RFX7: variants seen among roughly 807,000 people sequenced by gnomAD.
RFX7 encodes regulatory factor X7.
A neutral mutation model predicts 111.8 loss-of-function variants in RFX7; 26 were observed. The ratio of observed to expected loss-of-function variants is 0.23; its 90% confidence interval spans 0.17 to 0.32. RFX7 has a LOEUF of 0.32. Among genes scored for constraint, RFX7 ranks in the 10% least tolerant of loss-of-function variants. The pLI, the probability that RFX7 is intolerant of heterozygous loss-of-function variation, is 1.00. For missense variants in RFX7, 1,573 were observed against 1,772.9 expected (o/e 0.89, Z 2.02); for synonymous variants, 624 against 624.4 (o/e 1.00, Z 0.01).
chr15:56,137,043 A>G (rs1488128316), intron 5 of RFX7, among the ~76,000 whole-genome samples: 1 of 152,076 alleles, frequency 6.6e-6, no homozygotes, highest in African/African-American at 2.4e-5. Context: ...GAATTTTTGC[A>G]TCAATGTTCA....
At chr15:56,136,846 A>G (rs1197048186) in intron 5 of RFX7, among the ~76,000 whole-genome samples, 3 of 146,354 alleles carry the variant, frequency 2.0e-5, no homozygotes, top group Non-Finnish European at 4.5e-5. Flanking sequence ...AATTTTGTCA[A>G]AGGCTTTTTC....
At chr15:56,150,194 G>A (rs895147932) in intron 3 of RFX7, among the ~76,000 whole-genome samples, 1 of 152,180 alleles carries the variant, frequency 6.6e-6, no homozygotes, top group Admixed American at 6.5e-5. Flanking sequence ...TCTGGACAGG[G>A]CATCTCTGTA....
intron 2 of RFX7, among the ~76,000 whole-genome samples, chr15:56,240,514 G>A (rs2465969): frequency 0.57 from 87,159 of 151,968 alleles, 25,993 homozygotes; most frequent in East Asian, 0.86. Flanking sequence ...AATAAACAGA[G>A]TAAATTATGA....
intron 3 of RFX7, among the ~76,000 whole-genome samples, chr15:56,153,992 C>T (rs1376314770): frequency 6.6e-6 from 1 of 151,298 alleles, no homozygotes; most frequent in African/African-American, 2.4e-5. Context: ...TTTGTATACA[C>T]CAATAATAGA....
chr15:56,217,710 T>C (rs2460647), intron 2 of RFX7, among the ~76,000 whole-genome samples: 56,607 of 152,098 alleles, frequency 0.37, 10,825 homozygotes, highest in Non-Finnish European at 0.41. Flanking sequence ...GTGCATGATA[T>C]GTACAATTTA....
At chr15:56,180,472 C>G (rs1427363533) in intron 2 of RFX7, among the ~76,000 whole-genome samples, 2 of 152,128 alleles carry the variant, frequency 1.3e-5, no homozygotes, top group African/African-American at 4.8e-5. Context: ...AATTCATTGG[C>G]ACCTAACTTG....
rs1302307623 is a variant in RFX7 at position 56,088,843 on chromosome 15, C to T, written c.*4502G>A. The T allele has an allele frequency of 2.0e-5, 3 of 152,096 alleles. No individual in the cohort carries two copies. The highest frequency in any genetic ancestry group is 4.8e-5 in the African/African-American group (2 of 41,412). 9.4% of individuals were successfully genotyped at this position (152,096 alleles called of 1,614,324 possible). On this transcript the variant is annotated 3_prime_UTR_variant, in exon 10 of 10. Transcript: ENST00000559447. ...ACAGTTAGCACCAGTAAACTTAGTT[C>T]GGCAGATTTCAAATTCTTATTTTTT...
At chr15:56,204,439 G>A (rs980164132) in intron 2 of RFX7, among the ~76,000 whole-genome samples, 4 of 152,104 alleles carry the variant, frequency 2.6e-5, no homozygotes, top group Admixed American at 1.3e-4. Context: ...GGATCATCTT[G>A]AGAAACTATT....
chr15:56,240,327 T>C (rs1326379301), intron 2 of RFX7, among the ~76,000 whole-genome samples: 2 of 152,118 alleles, frequency 1.3e-5, no homozygotes, highest in African/African-American at 4.8e-5. Flanking sequence ...AAGGTATTCA[T>C]AACCATATTA....
At chr15:56,221,862 ATTG>A (rs2043430388) in intron 2 of RFX7, among the ~76,000 whole-genome samples, 2 of 152,198 alleles carry the variant, frequency 1.3e-5, no homozygotes, top group African/African-American at 2.4e-5. Flanking sequence ...TGATATAAAC[ATTG>A]TTAACATTTT....
chr15:56,150,846 G>C (rs1174214216), intron 3 of RFX7, among the ~76,000 whole-genome samples: 4 of 152,102 alleles, frequency 2.6e-5, no homozygotes, highest in Non-Finnish European at 2.9e-5. Flanking sequence ...TTGCTAACTA[G>C]AATAACCAAG....
intron 2 of RFX7, among the ~76,000 whole-genome samples, chr15:56,181,552 A>C (rs2042974019): frequency 1.3e-5 from 2 of 152,186 alleles, no homozygotes; most frequent in South Asian, 4.1e-4. Flanking sequence ...AGTTCAATAA[A>C]ATCTGTTGAA....
intron 5 of RFX7, among the ~76,000 whole-genome samples, chr15:56,140,295 C>A (rs2042372441): frequency 6.6e-6 from 1 of 152,212 alleles, no homozygotes; most frequent in South Asian, 2.1e-4. Flanking sequence ...CCCTCTGAGC[C>A]AGGTGCGGGA....
chr15:56,229,915 G>A (rs2043531157), intron 2 of RFX7, among the ~76,000 whole-genome samples: 1 of 151,824 alleles, frequency 6.6e-6, no homozygotes, highest in South Asian at 2.1e-4. Flanking sequence ...AACACTTCAG[G>A]CCCTCACAGT....
chr15:56,107,419 A>T (rs1482079835), intron 5 of RFX7, among the ~76,000 whole-genome samples: 1 of 151,728 alleles, frequency 6.6e-6, no homozygotes, highest in Non-Finnish European at 1.5e-5. Context: ...CTATGAACAC[A>T]TCACTCAAAA....
chr15:56,140,454 A>T (rs1184193374), intron 5 of RFX7, among the ~76,000 whole-genome samples: 1 of 152,206 alleles, frequency 6.6e-6, no homozygotes, highest in African/African-American at 2.4e-5. Context: ...CAAGTGAGGC[A>T]ATGCCTCGCC....
chr15:56,139,433 CA>C (rs2042355736), intron 5 of RFX7, among the ~76,000 whole-genome samples: 1 of 152,224 alleles, frequency 6.6e-6, no homozygotes. Flanking sequence ...CTGCATTCTT[CA>C]CGTAGCTCTC....
chr15:56,117,060 T>C (rs2042018421), intron 5 of RFX7, among the ~76,000 whole-genome samples: 1 of 152,160 alleles, frequency 6.6e-6, no homozygotes, highest in African/African-American at 2.4e-5. Flanking sequence ...GGCAGGATTA[T>C]GGTAATGTTT....
At chr15:56,109,044 A>T (rs28712884) in intron 5 of RFX7, among the ~76,000 whole-genome samples, 25 of 143,618 alleles carry the variant, frequency 1.7e-4, no homozygotes, top group Admixed American at 4.2e-4. Flanking sequence ...TCCCTCTCCC[A>T]CTCCCTCTGC....
Sources: allele counts gnomAD v4.1 joint callset (sites outside exome capture counted in the v4.1 genomes callset), GRCh38; gene constraint gnomAD v4.1.1; transcripts MANE v1.5; gene names NCBI Gene and HGNC (gene_info 2026-07-23, HGNC 2026-07-21).